The following PRICKLE2 variants were observed in gnomAD, a reference collection of about 807,000 sequenced individuals.
PRICKLE2 encodes the protein prickle-like protein 2.
PRICKLE2 carries 21 observed loss-of-function variants against 81.4 expected under a neutral mutation model. That is an observed-to-expected ratio of 0.26 (90% CI 0.18 to 0.37). The LOEUF (loss-of-function observed/expected upper bound fraction) is 0.37. Ranked by LOEUF, PRICKLE2 falls within the 10% of genes least tolerant of loss-of-function variation. The pLI is 1.00. For synonymous variants in PRICKLE2, 456 were observed against 421.5 expected (o/e 1.08, Z -1.00); for missense variants, 940 against 1,109.0 (o/e 0.85, Z 2.16).
chr3:64,110,465 G>A (rs575809050), intron 7 of PRICKLE2, among the ~76,000 whole-genome samples: 8 of 152,290 alleles, frequency 5.3e-5, no homozygotes, highest in Admixed American at 3.9e-4. Flanking sequence ...ATATGACCTA[G>A]TGCAGGGAGA....
At chr3:64,134,721 G>A (rs774650803) in intron 7 of PRICKLE2, among the ~76,000 whole-genome samples, 2 of 149,528 alleles carry the variant, frequency 1.3e-5, no homozygotes, top group Non-Finnish European at 3.0e-5. Context: ...TTCCCCTGGG[G>A]TAGTGTTTGT....
chr3:64,232,484 A>T (rs1199309826), intron 2 of PRICKLE2, among the ~76,000 whole-genome samples: 1 of 152,178 alleles, frequency 6.6e-6, no homozygotes, highest in Non-Finnish European at 1.5e-5. Context: ...TCACTGAAAC[A>T]CTTCTTAGCT....
intron 2 of PRICKLE2, among the ~76,000 whole-genome samples, chr3:64,193,210 C>A (rs1235160149): frequency 6.6e-6 from 1 of 152,160 alleles, no homozygotes; most frequent in Non-Finnish European, 1.5e-5. Flanking sequence ...TGCAAGTGGT[C>A]AAAACTAAAC....
At chr3:64,123,578 C>T (rs890460735) in intron 7 of PRICKLE2, among the ~76,000 whole-genome samples, 8 of 152,190 alleles carry the variant, frequency 5.3e-5, no homozygotes, top group Non-Finnish European at 1.2e-4. Flanking sequence ...AGACTATCAG[C>T]ACCATTTTTC....
At chr3:64,210,735 T>C (rs2078772571) in intron 1 of PRICKLE2, among the ~76,000 whole-genome samples, 1 of 152,238 alleles carries the variant, frequency 6.6e-6, no homozygotes, top group Non-Finnish European at 1.5e-5. Context: ...TTCCTTCCCT[T>C]TTAAAAATAA....
chr3:64,221,279 A>C (rs1170656404), intron 1 of PRICKLE2, among the ~76,000 whole-genome samples: 2 of 152,052 alleles, frequency 1.3e-5, no homozygotes, highest in African/African-American at 4.8e-5. Context: ...TCCCCAGGGA[A>C]ATAACACAAC....
At chr3:64,199,009 C>CTT (rs374502686) in intron 1 of PRICKLE2, 42 bp from the exon 2 acceptor site, 33 of 1,262,144 alleles carry the variant, frequency 2.6e-5, no homozygotes, top group Non-Finnish European at 2.8e-5. Flanking sequence ...AGGAAAAAAC[C>CTT]TTTTTTTTTT....
rs538453552 is a variant in PRICKLE2 at position 64,184,380 on chromosome 3, G to A, written c.144+14404C>T. On this transcript the variant is annotated intron_variant, in intron 2 of 7. Transcript: ENST00000638394. ...CAGCTGCGTCTGATACCACAGCCAT[G>A]GCTCTTAATTACTGTGCTTGAGAAA... Among the ~76,000 whole-genome samples, 3 of 152,294 alleles carry A rather than the reference G, an allele frequency of 2.0e-5. No individual in the cohort carries two copies. In the East Asian group the frequency reaches 5.8e-4, roughly 29 times the overall value.
intron 2 of PRICKLE2, among the ~76,000 whole-genome samples, chr3:64,178,649 G>A (rs944976384): frequency 6.6e-6 from 1 of 152,170 alleles, no homozygotes; most frequent in African/African-American, 2.4e-5. Context: ...ATTACATTTT[G>A]CAAAGGTAAA....
chr3:64,223,362 T>A (rs6776156), intron 1 of PRICKLE2, among the ~76,000 whole-genome samples: 1,656 of 152,350 alleles, frequency 0.011, 30 homozygotes, highest in African/African-American at 0.038. Context: ...TGGGTAGCTT[T>A]AAGTATCTTC....
intron 2 of PRICKLE2, among the ~76,000 whole-genome samples, chr3:64,182,439 G>A (rs984911166): frequency 3.3e-5 from 5 of 151,526 alleles, no homozygotes; most frequent in Non-Finnish European, 5.9e-5. Context: ...AAGCTGCAGT[G>A]ACCTATAATT....
intron 2 of PRICKLE2, among the ~76,000 whole-genome samples, chr3:64,251,374 C>T (rs1288290345): frequency 1.3e-5 from 2 of 152,246 alleles, no homozygotes; most frequent in African/African-American, 4.8e-5. Context: ...TCTGCCACCA[C>T]TTCTGCATGT....
chr3:64,165,963 G>GGGGTGT (rs773137414), intron 2 of PRICKLE2, among the ~76,000 whole-genome samples: 1 of 61,832 alleles, frequency 1.6e-5, no homozygotes, highest in African/African-American at 4.4e-5. Flanking sequence ...CTGTTATAAA[G>GGGGTGT]GTGTGTGTGT....
intron 5 of PRICKLE2, among the ~76,000 whole-genome samples, chr3:64,155,196 T>C (rs1237146277): frequency 1.0e-5 from 1 of 96,486 alleles, no homozygotes; most frequent in Non-Finnish European, 2.3e-5. Flanking sequence ...ATTGAAAAGG[T>C]AGTCAAAAAA....
intron 1 of PRICKLE2, among the ~76,000 whole-genome samples, chr3:64,201,194 G>A (rs1286594837): frequency 6.6e-6 from 1 of 151,822 alleles, no homozygotes; most frequent in African/African-American, 2.4e-5. Flanking sequence ...CTCCCAAAGT[G>A]CTAGGATTAC....
Position 64,196,063 on chromosome 3 carries a change from G to A in PRICKLE2, c.144+2721C>T, listed in dbSNP as rs573524751. Reference sequence around the variant, plus strand: ...ACATTTCAGATTTATGCTTCCCAAAGACATTCATTTTGGATGAGTCAAGGG... The same window carrying A: ...ACATTTCAGATTTATGCTTCCCAAAAACATTCATTTTGGATGAGTCAAGGG... On this transcript the variant is annotated intron_variant, in intron 2 of 7. Transcript: ENST00000638394. Among the ~76,000 whole-genome samples the A allele has an allele frequency of 3.2e-4, 49 of 152,258 alleles. 1 individual carries two copies. Among genetic ancestry groups the A allele is most frequent in the South Asian group, 3.1e-3 (15 of 4,822 alleles).
At chr3:64,141,395 G>A (rs754009199) in intron 7 of PRICKLE2, among the ~76,000 whole-genome samples, 1 of 152,210 alleles carries the variant, frequency 6.6e-6, no homozygotes, top group African/African-American at 2.4e-5. Context: ...TGTGAGGACT[G>A]AGTGAGTTTA....
At chr3:64,225,559 A>G (rs1396804889), upstream of PRICKLE2, 1 of 538,618 alleles carries the variant, frequency 1.9e-6, no homozygotes, top group Non-Finnish European at 2.4e-6. Flanking sequence ...GCTGAGATTT[A>G]TTTACATGTA....
At chr3:64,204,130 C>G (rs2078639152) in intron 1 of PRICKLE2, among the ~76,000 whole-genome samples, 1 of 152,184 alleles carries the variant, frequency 6.6e-6, no homozygotes, top group Non-Finnish European at 1.5e-5. Flanking sequence ...CCCTCTTGGC[C>G]TACGTTCTCA....
Sources: allele counts gnomAD v4.1 joint callset (sites outside exome capture counted in the v4.1 genomes callset), GRCh38; gene constraint gnomAD v4.1.1; transcripts MANE v1.5; gene names NCBI Gene and HGNC (gene_info 2026-07-23, HGNC 2026-07-21).